ETS1: variants seen among roughly 807,000 people sequenced by gnomAD.
The protein encoded by ETS1 is protein C-ets-1.
In ETS1, 15 loss-of-function variants were observed where a neutral mutation model predicts 58.6. The ratio of observed to expected loss-of-function variants is 0.26; its 90% confidence interval spans 0.17 to 0.39. ETS1 has a LOEUF of 0.39. ETS1 is among the 10% of genes least tolerant of loss of function. The pLI, the probability that ETS1 is intolerant of heterozygous loss-of-function variation, is 1.00. For missense variants in ETS1, 417 were observed against 610.5 expected, an observed-to-expected ratio of 0.68 and a Z score of 3.34; for synonymous variants, 214 against 218.2, an observed-to-expected ratio of 0.98 and a Z score of 0.17.
At chr11:128,525,708 C>G (rs1863788620) in intron 3 of ETS1, among the ~76,000 whole-genome samples, 1 of 149,122 alleles carries the variant, frequency 6.7e-6, no homozygotes, top group Non-Finnish European at 1.5e-5. Flanking sequence ...GAAAAGGCAA[C>G]AGTCTCTGTC....
chr11:128,492,414 A>G (rs1395780263), intron 3 of ETS1, among the ~76,000 whole-genome samples: 2 of 152,214 alleles, frequency 1.3e-5, no homozygotes, highest in East Asian at 1.9e-4. Flanking sequence ...GGAAACTGCT[A>G]GAGTCCAGGC....
In ETS1 at chr11:128,484,833, C is replaced by T; in HGVS notation, c.852G>A (p.Arg284=). Residue 284 remains arginine (R), a synonymous_variant, in exon 7 of 10, where the codon AGG becomes AGA. Coordinates refer to ENST00000392668, the MANE Select transcript of ETS1 (RefSeq NM_001143820.2). ...AGAAATATGACCTACCACGACTGGTCCTCCCCATGCACATGTTGTCTGGGG... is the reference window on the plus strand; with the variant it reads ...AGAAATATGACCTACCACGACTGGTTCTCCCCATGCACATGTTGTCTGGGG... ...VVTPDNMCMG[R]TSRGKLGGQD... is the part of the protein sequence containing the mutation. 2 of 1,613,748 alleles carry T rather than the reference C, an allele frequency of 1.2e-6. No individual in the cohort carries two copies. Among genetic ancestry groups the T allele is most frequent in the Non-Finnish European group, 1.7e-6 (2 of 1,179,742 alleles).
chr11:128,585,481 A>G (rs1162466918), intron 1 of ETS1, among the ~76,000 whole-genome samples: 1 of 152,208 alleles, frequency 6.6e-6, no homozygotes, highest in East Asian at 1.9e-4. Flanking sequence ...ATTCACCAAT[A>G]ATTAAAATCA....
At chr11:128,504,180 T>C (rs1207162313) in intron 3 of ETS1, among the ~76,000 whole-genome samples, 1 of 152,184 alleles carries the variant, frequency 6.6e-6, no homozygotes, top group Non-Finnish European at 1.5e-5. Flanking sequence ...CTGCTAAACC[T>C]ATCATACGAG....
chr11:128,543,688 CCCTTAAGTT>C (rs549864591), intron 3 of ETS1, among the ~76,000 whole-genome samples: 58 of 152,284 alleles, frequency 3.8e-4, no homozygotes, highest in Middle Eastern at 3.4e-3. Flanking sequence ...CTAAAGCATT[CCCTTAAGTT>C]CCTTAAGTTC....
chr11:128,567,757 T>C (rs1410237178), intron 2 of ETS1, among the ~76,000 whole-genome samples: 1 of 152,072 alleles, frequency 6.6e-6, no homozygotes, highest in Non-Finnish European at 1.5e-5. Flanking sequence ...CTCAGCCTCC[T>C]GCATAGCTGG....
chr11:128,487,972 C>A (rs914700028), intron 5 of ETS1, among the ~76,000 whole-genome samples: 1 of 152,102 alleles, frequency 6.6e-6, no homozygotes, highest in South Asian at 2.1e-4. Context: ...ATTGTAACTA[C>A]AATCAGAGAT....
chr11:128,572,928 G>T, intron 2 of ETS1, 134 bp downstream of exon 2: 2 of 631,530 alleles, frequency 3.2e-6, no homozygotes, highest in Non-Finnish European at 5.6e-6. Flanking sequence ...TCCTCCAAAA[G>T]ATTCAAAGCT....
rs187450978 is a variant in ETS1, at chr11:128,490,561, T to C, written c.230A>G (p.Asp77Gly). 1.2e-6 allele frequency: 2 copies of C among 1,606,016 alleles called. No homozygotes were observed. Among genetic ancestry groups the C allele is most frequent in the Admixed American group, 3.3e-5 (2 of 59,794 alleles). Residue 77 changes from aspartate to glycine, a missense_variant, in exon 4 of 10, where the codon GAT (aspartate) becomes GGT (glycine). Around this residue, in one of 4 missense-constraint regions of ETS1, gnomAD observed 132 missense variants for 212.1 expected, o/e 0.62. Transcript: ENST00000392668. Reference protein sequence around the residue: ...EHCVSDMECADVPLLTPSSKE... With the variant: ...EHCVSDMECAGVPLLTPSSKE... Reference sequence around the variant, plus strand: ...GCTGCTTGGAGTTAATAGTGGGACATCTGCACATTCCATATCTGCATGAAA... The same window carrying C: ...GCTGCTTGGAGTTAATAGTGGGACACCTGCACATTCCATATCTGCATGAAA...
chr11:128,521,615 T>TA (rs1863671853), intron 3 of ETS1, among the ~76,000 whole-genome samples: 1 of 151,760 alleles, frequency 6.6e-6, no homozygotes, highest in Non-Finnish European at 1.5e-5. Context: ...TTTGGGAAAA[T>TA]AAAAAAAGCA....
chr11:128,529,853 C>T (rs2135530031), intron 3 of ETS1, among the ~76,000 whole-genome samples: 1 of 152,202 alleles, frequency 6.6e-6, no homozygotes, highest in South Asian at 2.1e-4. Flanking sequence ...TAATATGAAT[C>T]CTAGCTTCAC....
chr11:128,576,412 T>C (rs940059572), intron 1 of ETS1, among the ~76,000 whole-genome samples: 8 of 152,124 alleles, frequency 5.3e-5, no homozygotes, highest in African/African-American at 1.9e-4. Flanking sequence ...ACAAGACAAC[T>C]GCTTGAACAT....
chr11:128,578,406 T>C (rs919485642), intron 1 of ETS1, among the ~76,000 whole-genome samples: 3 of 152,162 alleles, frequency 2.0e-5, no homozygotes, highest in Non-Finnish European at 4.4e-5. Context: ...CCTTTTTCAT[T>C]TGGGGTTATG....
At chr11:128,477,743 T>C (rs1862361526) in intron 8 of ETS1, among the ~76,000 whole-genome samples, 1 of 152,190 alleles carries the variant, frequency 6.6e-6, no homozygotes, top group African/African-American at 2.4e-5. Context: ...ATATCTTGAA[T>C]CCAAGGAGAC....
chr11:128,509,018 G>A (rs968833653), intron 3 of ETS1, among the ~76,000 whole-genome samples: 4 of 152,146 alleles, frequency 2.6e-5, no homozygotes, highest in African/African-American at 9.7e-5. Flanking sequence ...GAAACCAGCG[G>A]CAAGTCACCC....
At chr11:128,516,686 C>T (rs934008635) in intron 3 of ETS1, among the ~76,000 whole-genome samples, 1 of 152,106 alleles carries the variant, frequency 6.6e-6, no homozygotes, top group African/African-American at 2.4e-5. Flanking sequence ...CAACTCCAGA[C>T]CATGTGCCCT....
At chr11:128,538,436 T>C (rs1864002797) in intron 3 of ETS1, among the ~76,000 whole-genome samples, 1 of 152,162 alleles carries the variant, frequency 6.6e-6, no homozygotes, top group South Asian at 2.1e-4. Context: ...CTTTTCCTGG[T>C]TACTATTATT....
At chr11:128,462,652 C>G in intron 9 of ETS1, 76 bp from the exon 10 acceptor site, 1 of 1,075,380 alleles carries the variant, frequency 9.3e-7, no homozygotes, top group Non-Finnish European at 1.4e-6. Context: ...TGTTTCTATG[C>G]CTATGCTATA....
intron 1 of ETS1, among the ~76,000 whole-genome samples, chr11:128,584,206 T>C (rs1864929895): frequency 6.6e-6 from 1 of 152,238 alleles, no homozygotes; most frequent in East Asian, 1.9e-4. Context: ...AGTATCTTCA[T>C]AACAATGAAT....
Sources: allele counts gnomAD v4.1 joint callset (sites outside exome capture counted in the v4.1 genomes callset), GRCh38; gene constraint gnomAD v4.1.1; regional missense constraint gnomAD v4.1.1; transcripts MANE v1.5; gene names NCBI Gene and HGNC (gene_info 2026-07-23, HGNC 2026-07-21).